Variants in RUNX1T1 observed in about 807,000 individuals in gnomAD.
RUNX1T1 encodes the protein RUNX1 partner transcriptional co-repressor 1.
A neutral mutation model predicts 62.8 loss-of-function variants in RUNX1T1; 4 were observed. The observed-to-expected ratio is 0.06, with a 90% CI of 0.03 to 0.15. The LOEUF is 0.15. Among genes scored for constraint, RUNX1T1 ranks in the 10% least tolerant of loss-of-function variants. The pLI, the probability that RUNX1T1 is intolerant of heterozygous loss-of-function variation, is 1.00. For synonymous variants in RUNX1T1, 291 were observed against 286.0 expected, an observed-to-expected ratio of 1.02 and a Z score of -0.18; for missense variants, 508 against 754.3, an observed-to-expected ratio of 0.67 and a Z score of 3.82.
chr8:92,101,622 C>G (rs1838039336), upstream of RUNX1T1, among the ~76,000 whole-genome samples: 1 of 152,156 alleles, frequency 6.6e-6, no homozygotes, highest in Non-Finnish European at 1.5e-5. Flanking sequence ...ATCCTCCAAA[C>G]TGAAAGGCCT....
intron 10 of RUNX1T1, among the ~76,000 whole-genome samples, chr8:91,961,490 T>G (rs928513486): frequency 1.3e-5 from 2 of 152,134 alleles, no homozygotes; most frequent in African/African-American, 4.8e-5. Flanking sequence ...GGGCAGTGTT[T>G]TGCAAGACAT....
intron 1 of RUNX1T1, among the ~76,000 whole-genome samples, chr8:92,042,513 T>C (rs967852230): frequency 3.3e-5 from 5 of 151,896 alleles, no homozygotes; most frequent in Middle Eastern, 3.4e-3. Context: ...GTAGAGATGG[T>C]GTCTTGTTAT....
chr8:91,984,291 G>C (rs1341691697), intron 8 of RUNX1T1, among the ~76,000 whole-genome samples: 1 of 152,118 alleles, frequency 6.6e-6, no homozygotes, highest in Non-Finnish European at 1.5e-5. Flanking sequence ...TGTAGTAGTA[G>C]TGACTATACA....
chr8:92,095,205 C>T (rs1168871424), intron 1 of RUNX1T1: 1 of 1,534,684 alleles, frequency 6.5e-7, no homozygotes, highest in East Asian at 2.4e-5. Flanking sequence ...GTTACATCTT[C>T]ACTTCTCCTG....
chr8:91,976,529 A>G (rs1813986183), intron 8 of RUNX1T1, among the ~76,000 whole-genome samples: 1 of 152,218 alleles, frequency 6.6e-6, no homozygotes, highest in African/African-American at 2.4e-5. Flanking sequence ...CATACGTGAA[A>G]GCCAGAAAGA....
At chr8:92,043,844 G>A (rs1443169038) in intron 1 of RUNX1T1, among the ~76,000 whole-genome samples, 5 of 151,902 alleles carry the variant, frequency 3.3e-5, no homozygotes, top group Non-Finnish European at 7.4e-5. Flanking sequence ...TGGGCATGTT[G>A]ACAGGCACCT....
At chr8:92,087,091 T>C (rs1277708146) in intron 1 of RUNX1T1, among the ~76,000 whole-genome samples, 1 of 152,156 alleles carries the variant, frequency 6.6e-6, no homozygotes, top group Non-Finnish European at 1.5e-5. Flanking sequence ...GAAAATCAAA[T>C]ATATAAAGCA....
At chr8:92,024,594 TC>T (rs1300667077) in intron 1 of RUNX1T1, among the ~76,000 whole-genome samples, 2 of 151,826 alleles carry the variant, frequency 1.3e-5, no homozygotes, top group African/African-American at 2.4e-5. Context: ...GTCTCTTTAT[TC>T]TTAATCCAAG....
chr8:92,102,273 G>A (rs753906379), upstream of RUNX1T1, among the ~76,000 whole-genome samples: 1 of 152,186 alleles, frequency 6.6e-6, no homozygotes, highest in Non-Finnish European at 1.5e-5. The surrounding 1 kb of genome is among the most constrained non-coding windows in gnomAD (Gnocchi z 4.5). Context: ...AAAGTTCGCA[G>A]GCAGGCGCAG....
chr8:92,063,538 C>T (rs1832402523), upstream of RUNX1T1: 1 of 152,158 alleles, frequency 6.6e-6, no homozygotes, highest in Non-Finnish European at 1.5e-5. Flanking sequence ...TGGACTCTTC[C>T]CTATTAAGCT....
chr8:92,085,381 C>A (rs1049780655), intron 1 of RUNX1T1, among the ~76,000 whole-genome samples: 1 of 152,222 alleles, frequency 6.6e-6, no homozygotes, highest in Non-Finnish European at 1.5e-5. Context: ...CTTGTATATA[C>A]TTGCACAAGT....
intron 1 of RUNX1T1, among the ~76,000 whole-genome samples, chr8:92,034,791 C>CACACATATACAT (rs879497772): frequency 8.7e-6 from 1 of 115,576 alleles, no homozygotes; most frequent in African/African-American, 3.4e-5. Flanking sequence ...TATATATATA[C>CACACATATACAT]ATATATACAC....
chr8:92,055,020 AT>A (rs1258109018), intron 1 of RUNX1T1, among the ~76,000 whole-genome samples: 4 of 152,176 alleles, frequency 2.6e-5, no homozygotes, highest in Non-Finnish European at 4.4e-5. Context: ...AAATAAATAA[AT>A]TAAAAAAATA....
intron 1 of RUNX1T1, among the ~76,000 whole-genome samples, chr8:92,037,697 G>GT (rs1827680653): frequency 6.6e-6 from 1 of 151,828 alleles, no homozygotes; most frequent in Admixed American, 6.6e-5. Context: ...AATTTAAAAA[G>GT]TAAAAAAAAT....
chr8:92,007,967 C>CAA (rs34232877), intron 4 of RUNX1T1, among the ~76,000 whole-genome samples: 964 of 85,216 alleles, frequency 0.011, 15 homozygotes, highest in African/African-American at 0.029. Context: ...GACTTTGTTT[C>CAA]AAAAAAAAAA....
chr8:92,084,888 G>A (rs975624327), intron 1 of RUNX1T1, among the ~76,000 whole-genome samples: 9 of 152,138 alleles, frequency 5.9e-5, no homozygotes, highest in African/African-American at 2.2e-4. Flanking sequence ...TGTCCATCAG[G>A]GCCAGATCGT....
chr8:91,959,411 CTTGT>C lies in RUNX1T1; in HGVS notation c.*827_*830del, dbSNP rs1177673653. The C allele has an allele frequency of 1.0e-3, 162 of 161,846 alleles. 1 individual carries two copies. Among genetic ancestry groups the C allele is most frequent in the East Asian group, 4.4e-3 (59 of 13,422 alleles). 10.0% of individuals were successfully genotyped at this position (161,846 alleles called of 1,614,324 possible). A position where few individuals can be genotyped will look rare whatever the true frequency, so the allele number is the denominator to read the frequency against. On this transcript the variant is annotated 3_prime_UTR_variant, in exon 11 of 11. Transcript: ENST00000396218. The stretch of plus-strand genomic sequence containing the variant: ...AATTAACTGCAGGCTGAGTCTCTTA[CTTGT>C]GTGTGTGTGTGTGTGTGTGTGTGTG...
chr8:92,091,739 T>C (rs903523908), intron 1 of RUNX1T1, among the ~76,000 whole-genome samples: 1 of 152,224 alleles, frequency 6.6e-6, no homozygotes, highest in Admixed American at 6.5e-5. Context: ...TGACATGCCA[T>C]ACTGAACTGT....
chr8:92,015,294 T>C (rs1182110070), intron 2 of RUNX1T1, among the ~76,000 whole-genome samples: 2 of 152,318 alleles, frequency 1.3e-5, no homozygotes, highest in South Asian at 2.1e-4. Flanking sequence ...CTGACAGCTG[T>C]GTTTATAGGA....
Sources: gnomAD v4.1 joint callset for allele counts (sites outside exome capture counted in the v4.1 genomes callset) on GRCh38, gnomAD v4.1.1 for gene constraint, Gnocchi (gnomAD v3.1) non-coding constraint, MANE v1.5 for transcripts, NCBI Gene and HGNC (gene_info 2026-07-23, HGNC 2026-07-21) for gene names.